Variants in RPS6KC1 observed in about 807,000 individuals in gnomAD.
The protein encoded by RPS6KC1 is ribosomal protein S6 kinase C1.
A neutral mutation model predicts 103.8 loss-of-function variants in RPS6KC1; 54 were observed. The ratio of observed to expected loss-of-function variants is 0.52; its 90% confidence interval spans 0.42 to 0.65. The LOEUF (loss-of-function observed/expected upper bound fraction) is 0.65, where lower values mean the gene tolerates loss of function less well. RPS6KC1 is among the 30% of genes least tolerant of loss of function. The pLI is 0.00. For synonymous variants in RPS6KC1, 439 were observed against 438.7 expected (o/e 1.00, Z -0.01); for missense variants, 1,151 against 1,253.8 (o/e 0.92, Z 1.24).
chr1:213,589,941 GT>G, the RPS6KC1 span, among the ~76,000 whole-genome samples: 5,931 of 75,344 alleles, frequency 0.079, 302 homozygotes, highest in African/African-American at 0.19. Context: ...AGGTAGTGGT[GT>G]GTGTGTGTGT....
rs138148824 is a variant in RPS6KC1 at position 213,241,946 on chromosome 1, C to T, written c.2470C>T (p.Pro824Ser). The change falls in exon 11 of 15, where the codon CCA becomes TCA. Residue 824 changes from proline (P) to serine (S), a missense_variant. Physicochemically the swap from Pro to Ser is moderately conservative, Grantham distance 74 (BLOSUM62 -1). Around this residue, in one of 3 missense-constraint regions of RPS6KC1, gnomAD observed 959 missense variants for 1,006.3 expected, o/e 0.95. Coordinates refer to ENST00000366960, the MANE Select transcript of RPS6KC1 (RefSeq NM_012424.6). The part of the protein sequence containing the change: ...TEESLFRICS[P>S]LSGANEYIAS... ...AGAAAGCTTATTCCGTATTTGTAGT[C>T]CACTCTCAGGTGCTAATGAATATAT... 3.6e-4 allele frequency: 582 copies of T among 1,613,850 alleles called. No homozygotes were observed. Among genetic ancestry groups the T allele is most frequent in the Non-Finnish European group, 4.7e-4 (559 of 1,179,956 alleles).
At chr1:213,169,969 A>G (rs1038103695) in intron 7 of RPS6KC1, among the ~76,000 whole-genome samples, 5 of 151,814 alleles carry the variant, frequency 3.3e-5, no homozygotes, top group African/African-American at 1.2e-4. Context: ...TTTAGTAGAG[A>G]TGGGGTTTCG....
chr1:213,114,763 G>A (rs2083402212), intron 4 of RPS6KC1, among the ~76,000 whole-genome samples: 1 of 152,120 alleles, frequency 6.6e-6, no homozygotes. Context: ...TTAGCACGAA[G>A]GGTTGTTGAA....
rs1182421163 is a variant in RPS6KC1, at chr1:213,241,067, G to A, written c.1591G>A (p.Glu531Lys). The A allele has an allele frequency of 4.3e-6, 7 of 1,613,496 alleles. No individual in the cohort carries two copies. The Middle Eastern group carries it at 8.2e-4, about 190-fold the overall frequency. The change falls in exon 11 of 15, where the codon GAG becomes AAG. Residue 531 changes from glutamate (E) to lysine (K), a missense_variant. By Grantham distance (56) the Glu-to-Lys change is moderately conservative. Coordinates refer to ENST00000366960, the MANE Select transcript of RPS6KC1 (RefSeq NM_012424.6). ...AAAGATTGAACCAGGGTCTTTGAAT[G>A]AGGAGCCCTTCATGAAGACTGAAGG... ...QEKIEPGSLN[E>K]EPFMKTEGNG...
the RPS6KC1 span, among the ~76,000 whole-genome samples, chr1:213,315,882 A>G: frequency 6.6e-6 from 1 of 152,272 alleles, no homozygotes; most frequent in African/African-American, 2.4e-5. Context: ...CTTAATGCCC[A>G]GCATGCATAT....
chr1:213,203,440 C>T (rs554896501), intron 8 of RPS6KC1, among the ~76,000 whole-genome samples: 13 of 152,160 alleles, frequency 8.5e-5, no homozygotes, highest in Admixed American at 7.2e-4. Flanking sequence ...TTTTAATGTG[C>T]AATTTTAATT....
At chr1:213,107,951 C>T (rs1219141809) in intron 4 of RPS6KC1, among the ~76,000 whole-genome samples, 2 of 152,006 alleles carry the variant, frequency 1.3e-5, no homozygotes, top group African/African-American at 4.8e-5. Context: ...TAAAATCTAC[C>T]CATTTTTTTG....
the RPS6KC1 span, among the ~76,000 whole-genome samples, chr1:213,756,170 C>T: frequency 6.6e-6 from 1 of 152,244 alleles, no homozygotes; most frequent in Non-Finnish European, 1.5e-5. Flanking sequence ...CTTATCCCTC[C>T]TCCTGATGTC....
chr1:213,555,266 T>A, the RPS6KC1 span, among the ~76,000 whole-genome samples: 1 of 152,022 alleles, frequency 6.6e-6, no homozygotes. Flanking sequence ...GGGCCCCATT[T>A]CCCCCATGCC....
At chr1:213,657,135 C>G in the RPS6KC1 span, among the ~76,000 whole-genome samples, 2 of 151,854 alleles carry the variant, frequency 1.3e-5, no homozygotes, top group African/African-American at 4.8e-5. Flanking sequence ...CAATAAGAGA[C>G]TCCACAATGT....
At chr1:213,363,077 A>G in the RPS6KC1 span, among the ~76,000 whole-genome samples, 1 of 152,206 alleles carries the variant, frequency 6.6e-6, no homozygotes, top group Admixed American at 6.5e-5. Flanking sequence ...TCATCTGGTC[A>G]TCAGAGTGTT....
chr1:213,189,377 A>G (rs961520645), intron 8 of RPS6KC1, among the ~76,000 whole-genome samples: 15 of 148,848 alleles, frequency 1.0e-4, no homozygotes, highest in Non-Finnish European at 2.2e-4. Flanking sequence ...TTAACCCAGG[A>G]GGCAGAGGTT....
the RPS6KC1 span, among the ~76,000 whole-genome samples, chr1:213,656,222 A>G: frequency 6.6e-6 from 1 of 152,112 alleles, no homozygotes; most frequent in African/African-American, 2.4e-5. Context: ...TGCCTTCCCC[A>G]CTACACTGCA....
At chr1:213,791,130 G>T in the RPS6KC1 span, among the ~76,000 whole-genome samples, 12 of 151,366 alleles carry the variant, frequency 7.9e-5, no homozygotes, top group African/African-American at 1.2e-4. Flanking sequence ...TTGGCTCATT[G>T]TCTTTCATAG....
chr1:213,215,993 A>C (rs2093648249), intron 8 of RPS6KC1, among the ~76,000 whole-genome samples: 1 of 152,214 alleles, frequency 6.6e-6, no homozygotes, highest in South Asian at 2.1e-4. Flanking sequence ...TAACCAGCTA[A>C]CATCATAATG....
chr1:213,445,254 G>A, the RPS6KC1 span, among the ~76,000 whole-genome samples: 1 of 152,150 alleles, frequency 6.6e-6, no homozygotes, highest in Non-Finnish European at 1.5e-5. Flanking sequence ...TCATCAGTTA[G>A]TGGATGTTAA....
chr1:213,820,699 G>A, the RPS6KC1 span: 1 of 152,214 alleles, frequency 6.6e-6, no homozygotes. Flanking sequence ...AGTAGGTTCT[G>A]AGAGAGGAAC....
At chr1:213,459,030 C>T in the RPS6KC1 span, among the ~76,000 whole-genome samples, 1 of 152,156 alleles carries the variant, frequency 6.6e-6, no homozygotes, top group African/African-American at 2.4e-5. Context: ...AGGATTTTCA[C>T]ATCGATGTTC....
chr1:213,730,538 G>A, the RPS6KC1 span, among the ~76,000 whole-genome samples: 23 of 151,966 alleles, frequency 1.5e-4, 1 homozygote, highest in Admixed American at 3.9e-4. Context: ...TGAGCTTTTC[G>A]TCACATGATT....
Sources: allele counts gnomAD v4.1 joint callset (sites outside exome capture counted in the v4.1 genomes callset), GRCh38; gene constraint gnomAD v4.1.1; regional missense constraint gnomAD v4.1.1; transcripts MANE v1.5; gene names NCBI Gene and HGNC (gene_info 2026-07-23, HGNC 2026-07-21).